Variants in DACH2 observed in about 807,000 individuals in gnomAD.
DACH2 encodes the protein dachshund family transcription factor 2.
A neutral mutation model predicts 35.8 loss-of-function variants in DACH2; 17 were observed. The ratio of observed to expected loss-of-function variants is 0.48; its 90% confidence interval spans 0.33 to 0.71. DACH2 has a LOEUF of 0.71. DACH2 is among the 30% of genes least tolerant of loss of function. DACH2 has a pLI of 0.02. For missense variants in DACH2, 469 were observed against 472.7 expected, an observed-to-expected ratio of 0.99 and a Z score of 0.07; for synonymous variants, 195 against 177.3, an observed-to-expected ratio of 1.10 and a Z score of -0.79.
chrX:86,509,568 G>A (rs1261288466), intron 2 of DACH2, among the ~76,000 whole-genome samples: 1 of 111,578 alleles, frequency 9.0e-6, no homozygotes, highest in African/African-American at 3.3e-5. Flanking sequence ...TGAGGTCAGA[G>A]TTTGTTTCTC....
chrX:86,185,876 C>T (rs1408603210), intron 1 of DACH2, among the ~76,000 whole-genome samples: 1 of 111,871 alleles, frequency 8.9e-6, no homozygotes, highest in Non-Finnish European at 1.9e-5. Flanking sequence ...AAAATAGAAG[C>T]CTGCCATCTT....
At chrX:86,503,108 T>C (rs1200365598) in intron 2 of DACH2, among the ~76,000 whole-genome samples, 1 of 112,417 alleles carries the variant, frequency 8.9e-6, no homozygotes, top group Non-Finnish European at 1.9e-5. Flanking sequence ...ATTTCTCATT[T>C]ATAAATAGAA....
intron 2 of DACH2, among the ~76,000 whole-genome samples, chrX:86,396,625 G>A (rs1165236934): frequency 9.1e-6 from 1 of 109,426 alleles, no homozygotes; most frequent in African/African-American, 3.4e-5. Flanking sequence ...AGTTTTCCCA[G>A]CACCATTTAT....
rs930589997 is a variant in DACH2, at chrX:86,632,846, G to C, written c.641-18190G>C. ...AACAAAATGCTCCTGAGAGTTCTTT[G>C]GGTCAATGACAAAATTATGATGGAA... On this transcript the variant is annotated intron_variant, in intron 3 of 11. Coordinates refer to ENST00000373125, the MANE Select transcript of DACH2 (RefSeq NM_053281.3). Among the ~76,000 whole-genome samples the C allele has an allele frequency of 3.6e-5, 4 of 110,413 alleles. No individual in the cohort carries two copies. In the South Asian group the frequency reaches 1.5e-3, roughly 43 times the overall value.
At chrX:86,603,443 A>G (rs2039817231) in intron 3 of DACH2, among the ~76,000 whole-genome samples, 1 of 109,489 alleles carries the variant, frequency 9.1e-6, no homozygotes, top group Non-Finnish European at 1.9e-5. Flanking sequence ...CCATTCCAAC[A>G]TCCCCAAAAG....
At chrX:86,397,731 G>A (rs1191541365) in intron 2 of DACH2, among the ~76,000 whole-genome samples, 1 of 111,708 alleles carries the variant, frequency 9.0e-6, no homozygotes, top group Admixed American at 9.5e-5. Flanking sequence ...TTGCATCCCA[G>A]GGATGAAGCC....
At chrX:86,664,104 C>G (rs2040639446) in intron 4 of DACH2, among the ~76,000 whole-genome samples, 1 of 111,777 alleles carries the variant, frequency 8.9e-6, no homozygotes, top group African/African-American at 3.2e-5. Flanking sequence ...TTCTTACTTT[C>G]TGGCTTTTAG....
At position 86,695,068 on chromosome X, in the gene DACH2, G is replaced by T; in HGVS notation, c.820G>T (p.Ala274Ser). The T allele has an allele frequency of 1.7e-6, 2 of 1,144,524 alleles. No homozygotes were observed. Among genetic ancestry groups the T allele is most frequent in the Non-Finnish European group, 2.3e-6 (2 of 860,212 alleles). 94.3% of individuals were successfully genotyped at this position (1,144,524 alleles called of 1,213,427 possible). ...TAAAGATAAGATGCAGTCTCCATTT[G>T]CTGCACCTGGACCCCAACATGGAAT... is the stretch of plus-strand genomic sequence containing the variant. ...WDKDKMQSPFAAPGPQHGIAH... is the reference protein window; with the variant it reads ...WDKDKMQSPFSAPGPQHGIAH... The change falls in exon 5 of 12, where the codon GCT becomes TCT. Residue 274 changes from alanine (A) to serine (S), a missense_variant. Around this residue, in one of 3 missense-constraint regions of DACH2, gnomAD observed 363 missense variants for 334.4 expected, o/e 1.09. Transcript: ENST00000373125.
At position 86,283,069 on chromosome X, in the gene DACH2, C is replaced by T. The variant is rs1318149490; in HGVS notation, c.489-93755C>T. On this transcript the variant is annotated intron_variant, in intron 1 of 11. Coordinates refer to ENST00000373125, the MANE Select transcript of DACH2 (RefSeq NM_053281.3). ...CTGGGATTACAGGCGTGAGCCACCG[C>T]GCCCGGCCCGACACTTCTTAAAAGA... Among the ~76,000 whole-genome samples, 51 of 19,845 alleles carry T rather than the reference C, an allele frequency of 2.6e-3. 13 individuals are homozygous for T. The highest frequency in any genetic ancestry group is 3.9e-3 in the Non-Finnish European group (50 of 12,690). 17.2% of individuals were successfully genotyped at this position (19,845 alleles called of 115,157 possible).
chrX:86,692,298 T>C (rs1047925886), intron 4 of DACH2, among the ~76,000 whole-genome samples: 7 of 111,432 alleles, frequency 6.3e-5, no homozygotes, highest in Middle Eastern at 4.7e-3. Context: ...ACATGTGCCA[T>C]GTTGGTGTGC....
At chrX:86,257,477 G>T in intron 1 of DACH2, among the ~76,000 whole-genome samples, 1 of 111,324 alleles carries the variant, frequency 9.0e-6, no homozygotes, top group Admixed American at 9.5e-5. Context: ...GTGTGATCTT[G>T]GTTCACTGCA....
At chrX:86,757,853 C>T (rs749660058) in intron 7 of DACH2, among the ~76,000 whole-genome samples, 1 of 112,049 alleles carries the variant, frequency 8.9e-6, no homozygotes, top group Non-Finnish European at 1.9e-5. Context: ...GCCAATTTAA[C>T]CTCTTTTCTT....
intron 6 of DACH2, among the ~76,000 whole-genome samples, chrX:86,730,958 G>T (rs902599388): frequency 1.8e-5 from 2 of 111,451 alleles, no homozygotes; most frequent in Admixed American, 1.9e-4. Flanking sequence ...GCATACACAC[G>T]AAATACATTT....
chrX:86,648,584 C>T (rs1195338393), intron 3 of DACH2, among the ~76,000 whole-genome samples: 1 of 110,652 alleles, frequency 9.0e-6, no homozygotes, highest in Non-Finnish European at 1.9e-5. Flanking sequence ...TATCTGAAGA[C>T]ACAGATATTC....
intron 1 of DACH2, among the ~76,000 whole-genome samples, chrX:86,338,958 A>C (rs1251703364): frequency 8.9e-6 from 1 of 112,207 alleles, no homozygotes; most frequent in East Asian, 2.8e-4. Context: ...ATAAACTAGA[A>C]AATCTAGAAG....
chrX:86,684,221 G>C (rs1305886478), intron 4 of DACH2, among the ~76,000 whole-genome samples: 1 of 111,860 alleles, frequency 8.9e-6, no homozygotes, highest in African/African-American at 3.2e-5. Context: ...CTGTTGTCTA[G>C]AGACTGCATT....
intron 4 of DACH2, among the ~76,000 whole-genome samples, chrX:86,679,762 T>C (rs2040860506): frequency 1.8e-5 from 2 of 110,274 alleles, no homozygotes; most frequent in Admixed American, 2.0e-4. Flanking sequence ...TCTGCTACTT[T>C]TGCTGCATTG....
chrX:86,302,104 A>G (rs1294547700), intron 1 of DACH2, among the ~76,000 whole-genome samples: 6 of 111,704 alleles, frequency 5.4e-5, no homozygotes, highest in Non-Finnish European at 5.7e-5. Context: ...AAGGAAAAGG[A>G]CAGGGTTTTA....
chrX:86,477,701 A>G (rs1202259631), intron 2 of DACH2, among the ~76,000 whole-genome samples: 1 of 110,207 alleles, frequency 9.1e-6, no homozygotes, highest in Non-Finnish European at 1.9e-5. Flanking sequence ...CTGCCATTTT[A>G]TTATTTGTTT....
Sources: gnomAD v4.1 joint callset for allele counts (sites outside exome capture counted in the v4.1 genomes callset) on GRCh38, gnomAD v4.1.1 for gene constraint, gnomAD v4.1.1 regional missense constraint, MANE v1.5 for transcripts, NCBI Gene and HGNC (gene_info 2026-07-23, HGNC 2026-07-21) for gene names.